Variants in DYSF observed in about 807,000 individuals in gnomAD.
DYSF encodes dystrophy-associated fer-1-like 1.
Under a neutral mutation model 274.9 loss-of-function variants are expected in DYSF, and 212 were observed. The ratio of observed to expected loss-of-function variants is 0.77; its 90% CI spans 0.69 to 0.86. The LOEUF (loss-of-function observed/expected upper bound fraction) is 0.86. DYSF is among the 40% of genes least tolerant of loss of function. The pLI is 0.00. For missense variants in DYSF, 2,666 were observed against 2,783.2 expected (o/e 0.96, Z 0.95); for synonymous variants, 1,091 against 1,078.7 (o/e 1.01, Z -0.22).
rs914730881 is a variant in DYSF at position 71,656,409 on chromosome 2, A to T, written c.4755+119A>T. On this transcript the variant is annotated intron_variant, in intron 43 of 55. Coordinates refer to ENST00000410020, the MANE Select transcript of DYSF (RefSeq NM_001130987.2). ...CCCTGGTGCTGATGTTGGTGACCAC[A>T]TGGGTAATGGAGGTGGTGATGGTGA... 4.9e-6 allele frequency: 7 copies of T among 1,418,794 alleles called. No homozygotes were observed. In the African/African-American group the frequency reaches 9.8e-5, roughly 20 times the overall value. The allele number at this position is 1,418,794 out of a possible 1,614,324, so 87.9% of individuals were successfully genotyped here.
At chr2:71,670,070 G>A (rs2095092529) in intron 51 of DYSF, among the ~76,000 whole-genome samples, 2 of 152,114 alleles carry the variant, frequency 1.3e-5, no homozygotes, top group Non-Finnish European at 1.5e-5. Flanking sequence ...TGTCATTCAT[G>A]GCACTACCGT....
At chr2:71,624,659 T>TA (rs1054777969) in intron 41 of DYSF, among the ~76,000 whole-genome samples, 1 of 151,894 alleles carries the variant, frequency 6.6e-6, no homozygotes, top group Non-Finnish European at 1.5e-5. Context: ...AACCTAAATT[T>TA]AAAAAAAATG....
rs141733836 is a variant in DYSF, at chr2:71,642,936, A to G, written c.4528-1029A>G. Among the ~76,000 whole-genome samples, 277 of 152,274 alleles carry G rather than the reference A, an allele frequency of 1.8e-3. 3 individuals carry two copies. The highest frequency in any genetic ancestry group is 6.3e-3 in the African/African-American group (261 of 41,570). Reference sequence around the variant, plus strand: ...AGGCTCCTGGGAGATCTTCTAGCCTACCTTCTCATACAGAGGAGGAAAGCG... The same window carrying G: ...AGGCTCCTGGGAGATCTTCTAGCCTGCCTTCTCATACAGAGGAGGAAAGCG... On this transcript the variant is annotated intron_variant, in intron 41 of 55. Transcript: ENST00000410020.
Position 71,628,964 on chromosome 2 carries a change from A to AT in DYSF, c.4527+8358dup, listed in dbSNP as rs36089640. On this transcript the variant is annotated intron_variant, in intron 41 of 55. Coordinates refer to ENST00000410020, the MANE Select transcript of DYSF (RefSeq NM_001130987.2). ...GAGACCCTGTTGCAAAAAAAAAAAA[A>AT]TTTAAAAAGTAAAATTAGTTTAATT... 9.8e-3 allele frequency among the ~76,000 whole-genome samples: 1,484 copies of AT among 152,168 alleles called. 70 individuals are homozygous for AT. The highest frequency in any genetic ancestry group is 0.077 in the Admixed American group (1,174 of 15,282).
At chr2:71,657,593 T>C (rs1482749205) in intron 43 of DYSF, among the ~76,000 whole-genome samples, 3 of 152,236 alleles carry the variant, frequency 2.0e-5, no homozygotes, top group Non-Finnish European at 4.4e-5. Flanking sequence ...GGTGTTTCCA[T>C]ACCTCTTCTG....
chr2:71,453,719 C>CG (rs1173068411), exon 1 of DYSF: 7 of 508,040 alleles, frequency 1.4e-5, no homozygotes, highest in South Asian at 4.1e-5. Context: ...GGAAGGGCGG[C>CG]GGGGGTGGAA....
At chr2:71,599,645 G>T (rs1296944296) in intron 33 of DYSF, among the ~76,000 whole-genome samples, 1 of 152,236 alleles carries the variant, frequency 6.6e-6, no homozygotes, top group South Asian at 2.1e-4. Flanking sequence ...CGAAGAGGAG[G>T]CTGGATGCTG....
intron 11 of DYSF, 74 bp downstream of exon 11, chr2:71,520,282 C>T (rs1230807719): frequency 8.8e-5 from 129 of 1,473,020 alleles, no homozygotes; most frequent in Non-Finnish European, 1.1e-4. Context: ...CATTTGGGGT[C>T]CTCACTGTCC....
At chr2:71,685,814 CTGTATTGTGTTGTATG>C (rs1253916823) in intron 55 of DYSF, among the ~76,000 whole-genome samples, 1 of 152,132 alleles carries the variant, frequency 6.6e-6, no homozygotes, top group African/African-American at 2.4e-5. Flanking sequence ...ATTAGGAGCC[CTGTATTGTGTTGTATG>C]TGTTTTCATG....
At chr2:71,503,454 C>A (rs937605787) in intron 4 of DYSF, 135 bp downstream of exon 4, 7 of 887,514 alleles carry the variant, frequency 7.9e-6, no homozygotes, top group Non-Finnish European at 1.1e-5. Context: ...CCTCCCTGAC[C>A]AGAGTTTGCA....
Position 71,551,678 on chromosome 2 carries a change from G to A in DYSF, c.1764G>A (p.Gln588=), listed in dbSNP as rs2152788061. ...LETKLVEHSE[Q]KVEDLPADDI... ...CCAAGCTGGTGGAGCACAGTGAACA[G>A]AAGGTGGAGGACCTTCCTGCGGATG... Residue 588 remains glutamine (Q), a synonymous_variant, in exon 19 of 56, where the codon CAG becomes CAA. Transcript: ENST00000410020. The A allele has an allele frequency of 6.2e-7, 1 of 1,611,082 alleles. No individual in the cohort carries two copies. The highest frequency in any genetic ancestry group is 8.5e-7 in the Non-Finnish European group (1 of 1,179,444).
intron 3 of DYSF, among the ~76,000 whole-genome samples, chr2:71,489,614 C>T (rs571934256): frequency 6.6e-6 from 1 of 152,312 alleles, no homozygotes; most frequent in South Asian, 2.1e-4. Context: ...TGAACATGCT[C>T]TTAGTTCTTC....
chr2:71,520,091 T>G, intron 10 of DYSF, 87 bp from the exon 11 acceptor site: 1 of 1,522,014 alleles, frequency 6.6e-7, no homozygotes, highest in Non-Finnish European at 9.1e-7. Flanking sequence ...AAAAACATGG[T>G]TTTTAATGGA....
intron 4 of DYSF, among the ~76,000 whole-genome samples, chr2:71,508,945 C>T (rs1468430337): frequency 5.3e-5 from 8 of 152,138 alleles, no homozygotes; most frequent in Admixed American, 4.6e-4. Flanking sequence ...CTCCGCCTCC[C>T]GGGTTCAACC....
At chr2:71,518,643 A>G (rs557169456) in intron 10 of DYSF, among the ~76,000 whole-genome samples, 93 of 152,254 alleles carry the variant, frequency 6.1e-4, no homozygotes, top group African/African-American at 2.1e-3. Flanking sequence ...TCTCAAAAGG[A>G]AAGAAAGAGC....
chr2:71,682,220 G>T (rs1008869946), intron 54 of DYSF, among the ~76,000 whole-genome samples: 1 of 152,022 alleles, frequency 6.6e-6, no homozygotes, highest in Non-Finnish European at 1.5e-5. Flanking sequence ...TTAAGTCCTG[G>T]GTCAGGAATG....
intron 19 of DYSF, among the ~76,000 whole-genome samples, chr2:71,552,295 G>A (rs1395491829): frequency 6.6e-6 from 1 of 152,212 alleles, no homozygotes; most frequent in African/African-American, 2.4e-5. Context: ...CTTACCGGCT[G>A]CATCAGTTTC....
intron 41 of DYSF, among the ~76,000 whole-genome samples, chr2:71,643,686 G>A (rs1458758536): frequency 6.6e-6 from 1 of 152,202 alleles, no homozygotes; most frequent in African/African-American, 2.4e-5. Flanking sequence ...AAGGAAAAGG[G>A]AGGCTGGGGA....
At chr2:71,486,007 T>C (rs1041110020) in intron 3 of DYSF, among the ~76,000 whole-genome samples, 1 of 152,034 alleles carries the variant, frequency 6.6e-6, no homozygotes, top group African/African-American at 2.4e-5. Context: ...ATTGAAGACC[T>C]CCTCACTGCC....
Sources: allele counts gnomAD v4.1 joint callset (sites outside exome capture counted in the v4.1 genomes callset), GRCh38; gene constraint gnomAD v4.1.1; transcripts MANE v1.5; gene names NCBI Gene and HGNC (gene_info 2026-07-23, HGNC 2026-07-21).